Variants in PCDHA2 observed in about 807,000 individuals in gnomAD.
PCDHA2 encodes the protein protocadherin alpha 2.
In PCDHA2, 58 loss-of-function variants were observed where a neutral mutation model predicts 66.0. The ratio of observed to expected loss-of-function variants is 0.88; its 90% CI spans 0.71 to 1.09. PCDHA2 has a LOEUF of 1.09. Among genes scored for constraint, PCDHA2 ranks in the 50% least tolerant of loss-of-function variants. The probability of loss-of-function intolerance (pLI) is 0.00; values close to 1 mark genes in which losing one functional copy is unlikely to be tolerated. For synonymous variants in PCDHA2, 634 were observed against 554.0 expected (o/e 1.14, Z -2.03); for missense variants, 1,267 against 1,242.3 (o/e 1.02, Z -0.30).
At chr5:140,801,767 A>G in intron 1 of PCDHA2, 1 of 1,614,000 alleles carries the variant, frequency 6.2e-7, no homozygotes, top group Non-Finnish European at 8.5e-7. Context: ...AGGAAATTAA[A>G]TCCCTTGGAC....
chr5:140,796,198 G>A lies in PCDHA2; in HGVS notation c.1234G>A (p.Ala412Thr), dbSNP rs549114768. 6.2e-7 allele frequency: 1 copy of A among 1,614,184 alleles called. No individual in the cohort carries two copies. The highest frequency in any genetic ancestry group is 8.5e-7 in the Non-Finnish European group (1 of 1,180,040). ...KNYYSLVLDSALDRESVSAYE... is the reference protein window; with the variant it reads ...KNYYSLVLDSTLDRESVSAYE... ...TTACTACTCGTTGGTGCTGGACAGC[G>A]CCCTGGACCGCGAGAGCGTGTCAGC... The change falls in exon 1 of 4, where the codon GCC becomes ACC. Residue 412 changes from alanine to threonine, a missense_variant. By Grantham distance (58) the Ala-to-Thr change is moderately conservative (BLOSUM62 0). Coordinates refer to ENST00000526136, the MANE Select transcript of PCDHA2 (RefSeq NM_018905.3).
chr5:140,848,619 G>A (rs2150415128), intron 1 of PCDHA2: 2 of 1,593,396 alleles, frequency 1.3e-6, no homozygotes, highest in Admixed American at 1.7e-5. Context: ...AGCCGAACAC[G>A]GCACCTTCGT....
chr5:140,888,288 C>G (rs1328691042), intron 1 of PCDHA2, among the ~76,000 whole-genome samples: 1 of 152,108 alleles, frequency 6.6e-6, no homozygotes, highest in African/African-American at 2.4e-5. Context: ...CCCTCTACCC[C>G]CTACCCAGGA....
chr5:140,806,879 C>T, intron 1 of PCDHA2: 1 of 410,046 alleles, frequency 2.4e-6, no homozygotes, highest in Admixed American at 4.1e-5. Flanking sequence ...CACAGTAGTA[C>T]AAAATGTATT....
At chr5:140,797,997 C>T (rs1762286375) in intron 1 of PCDHA2, among the ~76,000 whole-genome samples, 1 of 152,194 alleles carries the variant, frequency 6.6e-6, no homozygotes, top group African/African-American at 2.4e-5. Flanking sequence ...GGATTACAGG[C>T]GCCCACCACC....
chr5:140,900,651 A>G (rs1386674800), intron 1 of PCDHA2, among the ~76,000 whole-genome samples: 3 of 152,232 alleles, frequency 2.0e-5, no homozygotes, highest in African/African-American at 7.2e-5. Flanking sequence ...ACACTGCTGC[A>G]ATGAACAATG....
chr5:140,857,161 C>G (rs782653443), intron 1 of PCDHA2: 1 of 1,598,332 alleles, frequency 6.3e-7, no homozygotes, highest in Non-Finnish European at 8.6e-7. Flanking sequence ...TTGCCCTAAT[C>G]AGCGTTTCTG....
chr5:140,940,502 G>A (rs182744023), intron 1 of PCDHA2, among the ~76,000 whole-genome samples: 2 of 151,906 alleles, frequency 1.3e-5, no homozygotes, highest in Admixed American at 6.5e-5. Context: ...TTGCTCCGTC[G>A]CTCAGGCGTG....
intron 1 of PCDHA2, among the ~76,000 whole-genome samples, chr5:140,924,926 TAAAATAAAATAAAAA>T (rs1425116753): frequency 8.4e-6 from 1 of 119,430 alleles, no homozygotes; most frequent in Non-Finnish European, 1.8e-5. Flanking sequence ...TAAAATAAAA[TAAAATAAAATAAAAA>T]GTTAAAAAAA....
chr5:140,887,052 G>A (rs1187906559), intron 1 of PCDHA2, among the ~76,000 whole-genome samples: 1 of 151,228 alleles, frequency 6.6e-6, no homozygotes, highest in Non-Finnish European at 1.5e-5. Flanking sequence ...TAGTGCATAT[G>A]TTCTGGCAAC....
chr5:140,795,183 C>A lies in PCDHA2; in HGVS notation c.219C>A (p.Asp73Glu), dbSNP rs1581612901. Residue 73 changes from aspartate (D) to glutamate (E), a missense_variant, in exon 1 of 4, where the codon GAC becomes GAA. Physicochemically the swap from Asp to Glu is conservative, Grantham distance 45. Coordinates refer to ENST00000526136, the MANE Select transcript of PCDHA2 (RefSeq NM_018905.3). ...LFRVASKRHG[D>E]LLEVNLQNGI... ...GGGTGGCGTCCAAAAGACACGGGGA[C>A]CTTCTGGAGGTAAATCTGCAGAATG... is the stretch of plus-strand genomic sequence containing the variant. The A allele has an allele frequency of 6.2e-7, 1 of 1,614,044 alleles. No individual in the cohort carries two copies. The highest frequency in any genetic ancestry group is 1.1e-5 in the South Asian group (1 of 91,068).
intron 1 of PCDHA2, among the ~76,000 whole-genome samples, chr5:140,879,010 G>C (rs2057809352): frequency 6.6e-6 from 1 of 152,200 alleles, no homozygotes; most frequent in Non-Finnish European, 1.5e-5. Context: ...CTAGAAATCA[G>C]ATAATGTTTT....
intron 1 of PCDHA2, chr5:140,809,159 G>A (rs146303235): frequency 1.6e-5 from 26 of 1,613,942 alleles, no homozygotes; most frequent in Non-Finnish European, 2.1e-5. Flanking sequence ...CGGCGAGCCC[G>A]CGCTGACGGC....
intron 1 of PCDHA2, chr5:140,801,031 T>C: frequency 7.0e-7 from 1 of 1,427,858 alleles, no homozygotes; most frequent in South Asian, 1.6e-5. Context: ...ACAAGGTCTT[T>C]CTCCACAAAA....
chr5:140,849,956 C>G (rs2150460065), intron 1 of PCDHA2: 1 of 1,597,918 alleles, frequency 6.3e-7, no homozygotes, highest in South Asian at 1.1e-5. Context: ...CGCAGGAGAA[C>G]GCCCTGGTGT....
At chr5:140,966,063 C>T (rs2095963895) in intron 1 of PCDHA2, 1 of 153,130 alleles carries the variant, frequency 6.5e-6, no homozygotes, top group African/African-American at 2.4e-5. Flanking sequence ...CAGAGCGCCT[C>T]CCCCTGCGTT....
At chr5:140,871,422 C>T in intron 1 of PCDHA2, 1 of 1,613,658 alleles carries the variant, frequency 6.2e-7, no homozygotes, top group Non-Finnish European at 8.5e-7. Context: ...CCTTCAGCCC[C>T]AGTCTTCCTC....
rs781982439 is a variant in PCDHA2, at chr5:140,967,345, C to G, written c.2389-11604C>G. 3 of 1,607,752 alleles carry G rather than the reference C, an allele frequency of 1.9e-6. No homozygotes were observed. The South Asian group carries it at 3.3e-5, about 18-fold the overall frequency. On this transcript the variant is annotated intron_variant, in intron 1 of 3. Coordinates refer to ENST00000526136, the MANE Select transcript of PCDHA2 (RefSeq NM_018905.3). ...ACGAGCTCAGCCCCAGCGAGCACTT[C>G]GAGCTGGACCTTAAGCCCCTGCAGG...
At chr5:140,845,420 A>T (rs954218239) in intron 1 of PCDHA2, among the ~76,000 whole-genome samples, 2 of 149,530 alleles carry the variant, frequency 1.3e-5, no homozygotes, top group Admixed American at 6.7e-5. Flanking sequence ...GCAATTTATC[A>T]TTTAAGTCAT....
Sources: gnomAD v4.1 joint callset for allele counts (sites outside exome capture counted in the v4.1 genomes callset) on GRCh38, gnomAD v4.1.1 for gene constraint, MANE v1.5 for transcripts, NCBI Gene and HGNC (gene_info 2026-07-23, HGNC 2026-07-21) for gene names.